Variants in ULK4 observed in about 807,000 individuals in gnomAD.
ULK4 encodes the protein inactive serine/threonine-protein kinase ULK4.
A neutral mutation model predicts 160.6 loss-of-function variants in ULK4; 133 were observed. That is an observed-to-expected ratio of 0.83 (90% confidence interval 0.72 to 0.96). The LOEUF (loss-of-function observed/expected upper bound fraction) is 0.96, where lower values mean the gene tolerates loss of function less well. ULK4 is among the 40% of genes least tolerant of loss of function. The pLI is 0.00. For synonymous variants in ULK4, 534 were observed against 539.8 expected (o/e 0.99, Z 0.15); for missense variants, 1,580 against 1,499.5 (o/e 1.05, Z -0.89).
chr3:41,717,241 C>T lies in ULK4; in HGVS notation c.2455+487G>A, dbSNP rs150800549. Among the ~76,000 whole-genome samples the T allele has an allele frequency of 3.4e-3, 522 of 152,144 alleles. 1 individual carries two copies. The highest frequency in any genetic ancestry group is 0.012 in the African/African-American group (497 of 41,518). On this transcript the variant is annotated intron_variant, in intron 23 of 36. Transcript: ENST00000301831. ...GCATTTTATACATATAACAAAATTTCTCATATACCCAATACATTTGTATAA... is the reference window on the plus strand; with the variant it reads ...GCATTTTATACATATAACAAAATTTTTCATATACCCAATACATTTGTATAA...
chr3:41,602,023 G>T (rs1181420740), intron 31 of ULK4, among the ~76,000 whole-genome samples: 1 of 151,986 alleles, frequency 6.6e-6, no homozygotes, highest in Non-Finnish European at 1.5e-5. Context: ...GTGAGACCCT[G>T]TCTCTACAAA....
At chr3:41,791,560 G>A (rs982099931) in intron 20 of ULK4, among the ~76,000 whole-genome samples, 1 of 152,152 alleles carries the variant, frequency 6.6e-6, no homozygotes, top group Admixed American at 6.5e-5. Context: ...AGAGATGGGA[G>A]GTAGGAATGG....
chr3:41,493,600 C>G (rs36189423), intron 32 of ULK4, among the ~76,000 whole-genome samples: 15,265 of 87,310 alleles, frequency 0.17, 1,988 homozygotes, highest in African/African-American at 0.19. Flanking sequence ...GAAGCAAATA[C>G]AGACACAAAA....
At chr3:41,712,338 C>A (rs959739952) in intron 25 of ULK4, among the ~76,000 whole-genome samples, 1 of 152,132 alleles carries the variant, frequency 6.6e-6, no homozygotes, top group Non-Finnish European at 1.5e-5. Context: ...TCACACTAAC[C>A]CTGGCTGCTA....
chr3:41,398,052 G>A, intron 35 of ULK4, 27 bp downstream of exon 35: 1 of 1,596,018 alleles, frequency 6.3e-7, no homozygotes, highest in Non-Finnish European at 8.5e-7. Flanking sequence ...GCCACCCACA[G>A]TGTCCCCGGT....
At chr3:41,456,565 T>C (rs2083559137) in intron 33 of ULK4, among the ~76,000 whole-genome samples, 1 of 152,206 alleles carries the variant, frequency 6.6e-6, no homozygotes, top group Admixed American at 6.5e-5. Flanking sequence ...GGTTTTTACA[T>C]TGTGTGTCTT....
intron 27 of ULK4, among the ~76,000 whole-genome samples, chr3:41,704,586 G>A (rs1156912847): frequency 2.0e-5 from 3 of 152,166 alleles, no homozygotes; most frequent in African/African-American, 7.2e-5. Flanking sequence ...GCCACCCAGA[G>A]GACATATGTC....
At chr3:41,901,172 C>CTTTTTTTTTTTTT (rs201425733) in intron 12 of ULK4, among the ~76,000 whole-genome samples, 2 of 119,926 alleles carry the variant, frequency 1.7e-5, no homozygotes, top group African/African-American at 7.0e-5. Context: ...AGCATGGCTT[C>CTTTTTTTTTTTTT]TTTTTTTTTT....
In ULK4 at chr3:41,610,474, C is replaced by A. The variant is rs538472440; in HGVS notation, c.3120+5195G>T. ...GAACCAATACATATTTGTTGAGTTA[C>A]AAGTAGAGTGGAGCAAATTTTATAA... On this transcript the variant is annotated intron_variant, in intron 31 of 36. Coordinates refer to ENST00000301831, the MANE Select transcript of ULK4 (RefSeq NM_017886.4). 7.2e-5 allele frequency among the ~76,000 whole-genome samples: 11 copies of A among 152,180 alleles called. No homozygotes were observed. In the South Asian group the frequency reaches 2.1e-3, roughly 29 times the overall value.
chr3:41,806,440 T>C (rs957459884), intron 19 of ULK4, among the ~76,000 whole-genome samples: 1 of 152,234 alleles, frequency 6.6e-6, no homozygotes, highest in Non-Finnish European at 1.5e-5. Context: ...AACCAGCTCC[T>C]GGATTCATTA....
chr3:41,639,181 GT>G (rs1184150234), intron 30 of ULK4, among the ~76,000 whole-genome samples: 1 of 152,106 alleles, frequency 6.6e-6, no homozygotes, highest in Non-Finnish European at 1.5e-5. Flanking sequence ...GCAAATAACA[GT>G]TTCTGAATTA....
chr3:41,348,364 G>A (rs1361407238), intron 35 of ULK4, among the ~76,000 whole-genome samples: 1 of 152,106 alleles, frequency 6.6e-6, no homozygotes, highest in African/African-American at 2.4e-5. Context: ...AGGTGTACTG[G>A]GGAACAAGGT....
Position 41,789,690 on chromosome 3 carries a change from T to A in ULK4, c.2164A>T (p.Ile722Phe). ...TLFAAMLSCG[I>F]HLQRLIQEKG... Reference sequence around the variant, plus strand: ...TCTTGGATTAGTCTTTGAAGATGAATCCCACAGGACAACATGGCAGCGAAT... The same window carrying A: ...TCTTGGATTAGTCTTTGAAGATGAAACCCACAGGACAACATGGCAGCGAAT... Residue 722 changes from isoleucine to phenylalanine, a missense_variant, in exon 21 of 37, where the codon ATT (isoleucine) becomes TTT (phenylalanine). Transcript: ENST00000301831. The A allele has an allele frequency of 6.3e-7, 1 of 1,594,134 alleles. No individual in the cohort carries two copies. The highest frequency in any genetic ancestry group is 8.5e-7 in the Non-Finnish European group (1 of 1,171,540).
intron 3 of ULK4, chr3:41,937,770 A>C (rs1265311677): frequency 2.0e-5 from 4 of 201,678 alleles, no homozygotes; most frequent in African/African-American, 9.2e-5. Context: ...ATACTTTATA[A>C]ATTTATTAGC....
intron 20 of ULK4, among the ~76,000 whole-genome samples, chr3:41,793,777 A>G (rs2040217109): frequency 6.6e-6 from 1 of 152,190 alleles, no homozygotes; most frequent in South Asian, 2.1e-4. Context: ...TTTTCCCTAT[A>G]ATCCCAATAA....
chr3:41,950,229 G>A (rs914982465), intron 2 of ULK4, among the ~76,000 whole-genome samples: 2 of 151,574 alleles, frequency 1.3e-5, no homozygotes, highest in Non-Finnish European at 1.5e-5. Flanking sequence ...TGGGACCTCA[G>A]GTGCATGCCA....
At chr3:41,442,448 A>G (rs2083195332) in intron 34 of ULK4, among the ~76,000 whole-genome samples, 3 of 152,288 alleles carry the variant, frequency 2.0e-5, no homozygotes, top group South Asian at 2.1e-4. Flanking sequence ...TGTGTGTCCT[A>G]TATTATACAG....
At chr3:41,898,835 G>C (rs1698255206) in intron 13 of ULK4, among the ~76,000 whole-genome samples, 1 of 152,218 alleles carries the variant, frequency 6.6e-6, no homozygotes. Flanking sequence ...TCTATGCCAA[G>C]TGCTAATGGG....
chr3:41,492,191 T>C (rs1200284138), intron 32 of ULK4, among the ~76,000 whole-genome samples: 2 of 151,876 alleles, frequency 1.3e-5, no homozygotes, highest in African/African-American at 4.8e-5. Context: ...GCAATAAACA[T>C]ACGTGTGCAT....
Sources: allele counts gnomAD v4.1 joint callset (sites outside exome capture counted in the v4.1 genomes callset), GRCh38; gene constraint gnomAD v4.1.1; transcripts MANE v1.5; gene names NCBI Gene and HGNC (gene_info 2026-07-23, HGNC 2026-07-21).